CD163L1: variants seen among roughly 807,000 people sequenced by gnomAD.
CD163L1 encodes the protein CD163 molecule like 1.
In CD163L1, 124 loss-of-function variants were observed where a neutral mutation model predicts 165.4. The ratio of observed to expected loss-of-function variants is 0.75; its 90% CI spans 0.65 to 0.87. CD163L1 has a LOEUF of 0.87. Ranked by LOEUF, CD163L1 falls within the 40% of genes least tolerant of loss-of-function variation. CD163L1 has a pLI of 0.00. For synonymous variants in CD163L1, 585 were observed against 662.2 expected, an observed-to-expected ratio of 0.88 and a Z score of 1.79; for missense variants, 1,525 against 1,799.9, an observed-to-expected ratio of 0.85 and a Z score of 2.76.
At chr12:7,333,227 C>T in the CD163L1 span, among the ~76,000 whole-genome samples, 248 of 152,198 alleles carry the variant, frequency 1.6e-3, 1 homozygote, top group Middle Eastern at 0.014. Context: ...CAAAATTGAC[C>T]GCATAGTTGG....
chr12:7,324,862 T>C, the CD163L1 span, among the ~76,000 whole-genome samples: 1 of 151,950 alleles, frequency 6.6e-6, no homozygotes, highest in Non-Finnish European at 1.5e-5. Flanking sequence ...TTGGCTCATA[T>C]AAGTGACAAG....
chr12:7,388,034 T>C (rs574892331), intron 8 of CD163L1, among the ~76,000 whole-genome samples: 20 of 152,072 alleles, frequency 1.3e-4, no homozygotes, highest in Non-Finnish European at 2.6e-4. Context: ...GAGAGAAGGA[T>C]CCCTCTTCAA....
At chr12:7,424,775 C>T (rs924618040) in intron 4 of CD163L1, among the ~76,000 whole-genome samples, 23 of 152,116 alleles carry the variant, frequency 1.5e-4, no homozygotes, top group African/African-American at 5.3e-4. Context: ...ATACAACTTA[C>T]AAGGGACATG....
At chr12:7,349,099 C>T (rs1946690994) in intron 4 of CD163L1, among the ~76,000 whole-genome samples, 1 of 152,048 alleles carries the variant, frequency 6.6e-6, no homozygotes, top group Admixed American at 6.5e-5. Flanking sequence ...AGAATTCAAG[C>T]ATGAATGTCT....
At chr12:7,444,064 A>G in intron 1 of CD163L1, 33 bp downstream of exon 1, 1 of 1,611,344 alleles carries the variant, frequency 6.2e-7, no homozygotes, top group Non-Finnish European at 8.5e-7. Flanking sequence ...ACCATCTCCC[A>G]AATGGCAGAG....
intron 4 of CD163L1, among the ~76,000 whole-genome samples, chr12:7,425,912 T>C (rs1051646820): frequency 6.6e-6 from 1 of 152,154 alleles, no homozygotes; most frequent in African/African-American, 2.4e-5. Flanking sequence ...GAACTAGAAA[T>C]ACCATTTGAC....
intron 8 of CD163L1, among the ~76,000 whole-genome samples, chr12:7,387,997 T>C (rs1439456157): frequency 1.3e-5 from 2 of 152,190 alleles, no homozygotes; most frequent in Non-Finnish European, 2.9e-5. Context: ...TGACTGATTT[T>C]TGACAAAGGC....
intron 11 of CD163L1, 110 bp from the exon 12 acceptor site, chr12:7,375,033 C>T: frequency 9.5e-7 from 1 of 1,056,260 alleles, no homozygotes. Context: ...ACTTTTCAAA[C>T]CCTGTCGTCT....
Position 7,403,700 on chromosome 12 carries a change from T to C in CD163L1, c.1243A>G (p.Ser415Gly). 1 of 1,614,112 alleles carries C rather than the reference T, an allele frequency of 6.2e-7. No homozygotes were observed. The highest frequency in any genetic ancestry group is 8.5e-7 in the Non-Finnish European group (1 of 1,179,988). ...TTAGCACGACGACTGCCAAAGACGC[T>C]GAACGGACATCCTAGCTGCTTACAA... ...VVCKQLGCPF[S>G]VFGSRRAKPS... Residue 415 changes from serine to glycine, a missense_variant, in exon 6 of 20, where the codon AGC becomes GGC. Ser to Gly is a moderately conservative substitution (Grantham distance 56, BLOSUM62 0). Coordinates refer to ENST00000313599, the MANE Select transcript of CD163L1 (RefSeq NM_174941.6).
chr12:7,373,711 A>ATT, intron 13 of CD163L1, 71 bp from the exon 14 acceptor site: 1 of 1,329,988 alleles, frequency 7.5e-7, no homozygotes, highest in Non-Finnish European at 1.0e-6. Context: ...CAAGGAATCC[A>ATT]TTTTTCCCAT....
chr12:7,443,830 A>G (rs990061979), intron 1 of CD163L1, among the ~76,000 whole-genome samples: 3 of 152,086 alleles, frequency 2.0e-5, no homozygotes, highest in Non-Finnish European at 4.4e-5. Flanking sequence ...CCACAACTTC[A>G]TATCCTTGTG....
intron 8 of CD163L1, among the ~76,000 whole-genome samples, chr12:7,390,969 G>T (rs939843872): frequency 3.9e-5 from 6 of 152,076 alleles, no homozygotes; most frequent in Admixed American, 2.0e-4. Context: ...ATAAAGGATG[G>T]CCAAATAGAA....
Position 7,380,299 on chromosome 12 carries a change from GTGTA to G in CD163L1, c.2051-1005_2051-1002del, listed in dbSNP as rs1462702910. On this transcript the variant is annotated intron_variant, in intron 8 of 19. Coordinates refer to ENST00000313599, the MANE Select transcript of CD163L1 (RefSeq NM_174941.6). ...GGTGTGTGTGTGTGTGTGTGTGTGT[GTGTA>G]TACACATATACATACATATATGTAT... Among the ~76,000 whole-genome samples, 30 of 51,832 alleles carry G rather than the reference GTGTA, an allele frequency of 5.8e-4. No homozygotes were observed. The East Asian group carries it at 0.012, about 21-fold the overall frequency. The allele number at this position is 51,832 out of a possible 152,430, so 34.0% of individuals were successfully genotyped here. A position where few individuals can be genotyped will look rare whatever the true frequency, so the allele number is the denominator to read the frequency against.
At chr12:7,321,848 C>T in the CD163L1 span, among the ~76,000 whole-genome samples, 2 of 152,146 alleles carry the variant, frequency 1.3e-5, no homozygotes, top group Non-Finnish European at 2.9e-5. Flanking sequence ...GATTAAGAGC[C>T]CCCTCATAAG....
chr12:7,339,126 C>T, the CD163L1 span, among the ~76,000 whole-genome samples: 1 of 152,128 alleles, frequency 6.6e-6, no homozygotes, highest in Non-Finnish European at 1.5e-5. Flanking sequence ...AATGCTTGCT[C>T]TTCTCTGGTC....
chr12:7,405,465 G>T (rs753639833), intron 5 of CD163L1, among the ~76,000 whole-genome samples: 1 of 152,062 alleles, frequency 6.6e-6, no homozygotes, highest in Non-Finnish European at 1.5e-5. Context: ...AAACTTGCAA[G>T]CAAACTAGTA....
intron 4 of CD163L1, among the ~76,000 whole-genome samples, chr12:7,421,074 C>CGTATATATAT (rs1948357019): frequency 1.1e-5 from 1 of 90,406 alleles, no homozygotes; most frequent in Non-Finnish European, 1.9e-5. Context: ...TGTATATATA[C>CGTATATATAT]GTATATATAT....
At position 7,368,916 on chromosome 12, in the gene CD163L1, T is replaced by G; in HGVS notation, c.4072+17A>C. The G allele has an allele frequency of 6.2e-7, 1 of 1,612,846 alleles. No individual in the cohort carries two copies. The highest frequency in any genetic ancestry group is 8.5e-7 in the Non-Finnish European group (1 of 1,179,254). On this transcript the variant is annotated intron_variant, in intron 16 of 19. Coordinates refer to ENST00000313599, the MANE Select transcript of CD163L1 (RefSeq NM_174941.6). This position sits in a 1 kb window ranked among gnomAD's most constrained non-coding sequence, Gnocchi z 4.3. ...CCTTAGGTATTTGTGTCAGCACTGA[T>G]AGGCAGAAGACTATACCTGAGGAGG...
chr12:7,324,684 G>A, the CD163L1 span: 1 of 1,405,948 alleles, frequency 7.1e-7, no homozygotes, highest in Non-Finnish European at 9.9e-7. Context: ...ACCAAGAGAG[G>A]TCAATCTATT....
Sources: allele counts gnomAD v4.1 joint callset (sites outside exome capture counted in the v4.1 genomes callset), GRCh38; gene constraint gnomAD v4.1.1; non-coding constraint Gnocchi (gnomAD v3.1); transcripts MANE v1.5; gene names NCBI Gene and HGNC (gene_info 2026-07-23, HGNC 2026-07-21).